Variants in LRRIQ4 observed in about 807,000 individuals in gnomAD.
LRRIQ4 encodes leucine-rich repeat and IQ domain-containing protein 4.
Under a neutral mutation model 40.1 loss-of-function variants are expected in LRRIQ4, and 21 were observed. The ratio of observed to expected loss-of-function variants is 0.52; its 90% confidence interval spans 0.37 to 0.75. The LOEUF is 0.75. Ranked by LOEUF, LRRIQ4 falls within the 30% of genes least tolerant of loss-of-function variation. The pLI is 0.00. For missense variants in LRRIQ4, 655 were observed against 660.0 expected (o/e 0.99, Z 0.08); for synonymous variants, 277 against 277.1 (o/e 1.00, Z 0.00).
chr3:169,822,632 G>C lies in LRRIQ4; in HGVS notation c.711G>C (p.Ser237=). The change falls in exon 2 of 6, where the codon TCG becomes TCC. Residue 237 remains serine (S), a synonymous_variant. Coordinates refer to ENST00000340806, the MANE Select transcript of LRRIQ4 (RefSeq NM_001080460.3). ...CCTTGTGCCAGTGTAGCCAACTGTC[G>C]GTGCTCGATTTATCCCACAACCTCC... ...PASLCQCSQL[S]VLDLSHNLLH... is the part of the protein sequence containing the mutation. 1 of 1,613,876 alleles carries C rather than the reference G, an allele frequency of 6.2e-7. No individual in the cohort carries two copies. Among genetic ancestry groups the C allele is most frequent in the South Asian group, 1.1e-5 (1 of 91,082 alleles).
intron 5 of LRRIQ4, 62 bp from the exon 6 acceptor site, chr3:169,837,417 T>G (rs1433851976): frequency 1.3e-6 from 2 of 1,518,872 alleles, no homozygotes; most frequent in Non-Finnish European, 1.8e-6. Flanking sequence ...TAAAGAGATT[T>G]AACAATTTCC....
At position 169,828,873 on chromosome 3, in the gene LRRIQ4, A is replaced by G. The variant is rs1327810861; in HGVS notation, c.1135A>G (p.Ile379Val). 1.9e-6 allele frequency: 3 copies of G among 1,613,844 alleles called. No individual in the cohort carries two copies. The highest frequency in any genetic ancestry group is 2.5e-6 in the Non-Finnish European group (3 of 1,179,862). ...TTTAGCGTCTTTAGAGAAATTATACATTGGGCAAGACCAGGGATTCAAACT... is the reference window on the plus strand; with the variant it reads ...TTTAGCGTCTTTAGAGAAATTATACGTTGGGCAAGACCAGGGATTCAAACT... ...LSLASLEKLYIGQDQGFKLTY... is the reference protein window; with the variant it reads ...LSLASLEKLYVGQDQGFKLTY... The change falls in exon 3 of 6, where the codon ATT becomes GTT. Residue 379 changes from isoleucine to valine, a missense_variant. Transcript: ENST00000340806.
chr3:169,823,184 T>C (rs1779956533), intron 2 of LRRIQ4, among the ~76,000 whole-genome samples: 1 of 152,162 alleles, frequency 6.6e-6, no homozygotes, highest in Non-Finnish European at 1.5e-5. Context: ...AGTGTTTACA[T>C]GGATCATCTC....
chr3:169,828,004 G>A (rs796163734), intron 2 of LRRIQ4, among the ~76,000 whole-genome samples: 14 of 152,258 alleles, frequency 9.2e-5, no homozygotes, highest in African/African-American at 3.4e-4. Context: ...ATTAGAAATG[G>A]TGTGAATATA....
intron 1 of LRRIQ4, among the ~76,000 whole-genome samples, chr3:169,821,332 A>AT (rs371457928): frequency 0.031 from 4,661 of 151,398 alleles, 184 homozygotes; most frequent in South Asian, 0.12. Flanking sequence ...CAGAATAGGC[A>AT]TTTTTTTTTA....
In LRRIQ4 at chr3:169,833,152, A is replaced by G. The variant is rs1226625752; in HGVS notation, c.1499A>G (p.Glu500Gly). 1.2e-6 allele frequency: 2 copies of G among 1,613,330 alleles called. No homozygotes were observed. The highest frequency in any genetic ancestry group is 1.3e-5 in the African/African-American group (1 of 74,920). ...GAGGCCATATGGAAATACCTCAAGG[A>G]AAACAGAAACAGGAATATAATGGCA... ...GNEAIWKYLKENRNRNIMATK... is the reference protein window; with the variant it reads ...GNEAIWKYLKGNRNRNIMATK... The change falls in exon 5 of 6, where the codon GAA (glutamate) becomes GGA (glycine). Residue 500 changes from glutamate (E) to glycine (G), a missense_variant. Coordinates refer to ENST00000340806, the MANE Select transcript of LRRIQ4 (RefSeq NM_001080460.3).
chr3:169,832,070 T>C (rs1203951869), intron 4 of LRRIQ4, among the ~76,000 whole-genome samples: 2 of 152,148 alleles, frequency 1.3e-5, no homozygotes, highest in Non-Finnish European at 2.9e-5. Context: ...TTTTATCCTG[T>C]CCTTGGTCCC....
chr3:169,816,183 T>G (rs995135409), intron 1 of LRRIQ4, among the ~76,000 whole-genome samples: 3 of 152,212 alleles, frequency 2.0e-5, no homozygotes, highest in African/African-American at 7.2e-5. Flanking sequence ...TAGAACGAAT[T>G]TGGAAGTAGT....
In LRRIQ4 at chr3:169,835,058, G is replaced by T. The variant is rs377437565; in HGVS notation, c.1530+1875G>T. 4.7e-3 allele frequency among the ~76,000 whole-genome samples: 722 copies of T among 152,148 alleles called. 8 individuals carry two copies. The highest frequency in any genetic ancestry group is 0.016 in the African/African-American group (683 of 41,526). ...AGGGTTGATTATAGATTCTACTCCT[G>T]TTTCTCATTTTACAGATGAAAGCCT... is the stretch of plus-strand genomic sequence containing the variant. On this transcript the variant is annotated intron_variant, in intron 5 of 5. Coordinates refer to ENST00000340806, the MANE Select transcript of LRRIQ4 (RefSeq NM_001080460.3).
At position 169,812,997 on chromosome 3, in the gene LRRIQ4, A is replaced by T. The variant is rs1360941127; in HGVS notation, c.-81A>T. 1 of 160,474 alleles carries T rather than the reference A, an allele frequency of 6.2e-6. No individual in the cohort carries two copies. The highest frequency in any genetic ancestry group is 2.4e-5 in the African/African-American group (1 of 41,626). 9.9% of individuals were successfully genotyped at this position (160,474 alleles called of 1,614,324 possible). A position where few individuals can be genotyped will look rare whatever the true frequency, so the allele number is the denominator to read the frequency against. On this transcript the variant is annotated 5_prime_UTR_variant, in exon 1 of 6. Coordinates refer to ENST00000340806, the MANE Select transcript of LRRIQ4 (RefSeq NM_001080460.3). This position sits in a 1 kb window ranked among gnomAD's most constrained non-coding sequence, Gnocchi z 4.3. ...AAGGAGGTGACATCTGGATGGTCCG[A>T]AGGAGGCTGCCAGAGGACAGAATGC...
intron 2 of LRRIQ4, among the ~76,000 whole-genome samples, chr3:169,825,797 C>A (rs1026248741): frequency 6.6e-5 from 10 of 152,204 alleles, no homozygotes; most frequent in Non-Finnish European, 1.0e-4. Context: ...ACATGACAAT[C>A]TCTGTGTACC....
rs56795981 is a variant in LRRIQ4, at chr3:169,830,377, G to GAAAAAAAAAAAAAAAAAAAAAAAA, written c.1195-106_1195-83dup. The GAAAAAAAAAAAAAAAAAAAAAAAA allele has an allele frequency of 1.0e-4, 11 of 106,682 alleles. 4 individuals carry two copies. The highest frequency in any genetic ancestry group is 1.7e-4 in the African/African-American group (3 of 17,226). The allele number at this position is 106,682 out of a possible 1,614,324, so 6.6% of individuals were successfully genotyped here. On this transcript the variant is annotated intron_variant, in intron 3 of 5. Transcript: ENST00000340806. ...AATGCGTAATTTCCCCACTGAAAGT[G>GAAAAAAAAAAAAAAAAAAAAAAAA]AAAAAAAAAAAAAAAAAAAAAAAAA...
At position 169,822,346 on chromosome 3, in the gene LRRIQ4, A is replaced by G. The variant is rs1287366817; in HGVS notation, c.425A>G (p.His142Arg). 6.2e-7 allele frequency: 1 copy of G among 1,613,598 alleles called. No individual in the cohort carries two copies. Among genetic ancestry groups the G allele is most frequent in the Non-Finnish European group, 8.5e-7 (1 of 1,179,738 alleles). The change falls in exon 2 of 6, where the codon CAC becomes CGC. Residue 142 changes from histidine to arginine, a missense_variant. His to Arg is a conservative substitution (Grantham distance 29). Transcript: ENST00000340806. ...CCCGTCGTCATCTTTAAAAACCTCC[A>G]CCATCTCGAGCTGCTCGGACTGACC... ...EIPVVIFKNL[H>R]HLELLGLTGN...
intron 1 of LRRIQ4, among the ~76,000 whole-genome samples, chr3:169,816,656 G>C (rs978585366): frequency 1.4e-5 from 2 of 145,394 alleles, no homozygotes; most frequent in African/African-American, 2.5e-5. Context: ...TCTGATTTTT[G>C]TGATTTCTTT....
intron 4 of LRRIQ4, 75 bp from the exon 5 acceptor site, chr3:169,832,912 T>A (rs910261146): frequency 1.5e-6 from 2 of 1,307,966 alleles, no homozygotes; most frequent in Admixed American, 2.2e-5. Context: ...CCCTCACCTA[T>A]GTGGACAGGA....
chr3:169,829,830 C>T (rs570622287), intron 3 of LRRIQ4, among the ~76,000 whole-genome samples: 1 of 152,268 alleles, frequency 6.6e-6, no homozygotes, highest in South Asian at 2.1e-4. Context: ...ATAAAGTAGG[C>T]GTGGGCCACC....
chr3:169,820,794 G>A lies in LRRIQ4; in HGVS notation c.-31-1097G>A, dbSNP rs148356135. 2.6e-3 allele frequency among the ~76,000 whole-genome samples: 396 copies of A among 152,278 alleles called. 1 individual carries two copies. Among genetic ancestry groups the A allele is most frequent in the African/African-American group, 9.1e-3 (378 of 41,550 alleles). ...ACAGAGTTAAGCTCCTTCCAGCCAG[G>A]CTTCGGTACTTAAGACCATGAAACT... is the stretch of plus-strand genomic sequence containing the variant. On this transcript the variant is annotated intron_variant, in intron 1 of 5. Coordinates refer to ENST00000340806, the MANE Select transcript of LRRIQ4 (RefSeq NM_001080460.3).
At chr3:169,828,988 G>C in intron 3 of LRRIQ4, 56 bp downstream of exon 3, 6 of 1,494,082 alleles carry the variant, frequency 4.0e-6, no homozygotes, top group Middle Eastern at 3.5e-4. Flanking sequence ...TCTTAAATTG[G>C]CTGAAACTGA....
At chr3:169,826,709 CT>C (rs1360494936) in intron 2 of LRRIQ4, among the ~76,000 whole-genome samples, 5 of 152,062 alleles carry the variant, frequency 3.3e-5, no homozygotes, top group African/African-American at 1.2e-4. Context: ...ATTGAAAAAT[CT>C]TTTTTCATTG....
Sources: allele counts gnomAD v4.1 joint callset (sites outside exome capture counted in the v4.1 genomes callset), GRCh38; gene constraint gnomAD v4.1.1; non-coding constraint Gnocchi (gnomAD v3.1); transcripts MANE v1.5; gene names NCBI Gene and HGNC (gene_info 2026-07-23, HGNC 2026-07-21).